Variants in ARMH3 observed in about 807,000 individuals in gnomAD.
ARMH3 encodes the protein armadillo like helical domain containing 3, also known as armadillo-like helical domain-containing protein 3.
Under a neutral mutation model 99.1 loss-of-function variants are expected in ARMH3, and 60 were observed. That is an observed-to-expected ratio of 0.61 (90% CI 0.49 to 0.75). ARMH3 has a LOEUF of 0.75. Among genes scored for constraint, ARMH3 ranks in the 30% least tolerant of loss-of-function variants. The pLI, the probability that ARMH3 is intolerant of heterozygous loss-of-function variation, is 0.00. For synonymous variants in ARMH3, 285 were observed against 292.8 expected, an observed-to-expected ratio of 0.97 and a Z score of 0.27; for missense variants, 679 against 843.1, an observed-to-expected ratio of 0.81 and a Z score of 2.41.
intron 23 of ARMH3, among the ~76,000 whole-genome samples, chr10:101,933,134 G>A (rs141214718): frequency 1.8e-4 from 27 of 152,114 alleles, no homozygotes; most frequent in African/African-American, 3.9e-4. Context: ...TGCAGTGAGC[G>A]GAGATTGCAC....
chr10:101,862,717 A>C (rs1564697997), intron 24 of ARMH3, among the ~76,000 whole-genome samples: 1 of 152,132 alleles, frequency 6.6e-6, no homozygotes, highest in African/African-American at 2.4e-5. Flanking sequence ...TAAAAAAAAA[A>C]CCCTCAGTAA....
At chr10:102,014,199 T>G (rs1478254020) in intron 8 of ARMH3, among the ~76,000 whole-genome samples, 175 bp from the exon 9 acceptor site, 4 of 152,216 alleles carry the variant, frequency 2.6e-5, no homozygotes, top group Admixed American at 2.6e-4. Context: ...CAGTTAATTT[T>G]TCAGTGTGTC....
rs1480287239 is a variant in ARMH3 at position 101,939,866 on chromosome 10, A to G, written c.1778T>C (p.Ile593Thr). Residue 593 changes from isoleucine to threonine, a missense_variant, in exon 23 of 26, where the codon ATC becomes ACC. Transcript: ENST00000370033. ...ASKVTHALVN[I>T]RAIINHFNPK... ...AGAGATACTTCTCATTCCTTACCTG[A>G]TATTAACCAATGCATGGGTCACCTT... 7 of 1,613,360 alleles carry G rather than the reference A, an allele frequency of 4.3e-6. No homozygotes were observed. Among genetic ancestry groups the G allele is most frequent in the East Asian group, 2.2e-5 (1 of 44,886 alleles).
At chr10:102,029,402 A>C (rs565516528) in intron 5 of ARMH3, 3 of 1,468,406 alleles carry the variant, frequency 2.0e-6, no homozygotes, top group Non-Finnish European at 2.7e-6. Context: ...TAATAAAATA[A>C]ACTATTCTGT....
chr10:101,852,085 T>C (rs2066616858), intron 24 of ARMH3, among the ~76,000 whole-genome samples: 1 of 152,230 alleles, frequency 6.6e-6, no homozygotes, highest in South Asian at 2.1e-4. Context: ...TAATACATGT[T>C]TTCCTATGCC....
At chr10:101,964,064 G>A (rs1307087757) in intron 20 of ARMH3, among the ~76,000 whole-genome samples, 2 of 152,004 alleles carry the variant, frequency 1.3e-5, no homozygotes, top group Non-Finnish European at 2.9e-5. Context: ...TTTTAATAGA[G>A]ATGGGGTTTC....
At chr10:101,919,572 C>T (rs1843223381) in intron 23 of ARMH3, among the ~76,000 whole-genome samples, 1 of 152,124 alleles carries the variant, frequency 6.6e-6, no homozygotes, top group African/African-American at 2.4e-5. Flanking sequence ...TAGGCTGAAG[C>T]ACATGGCAAA....
At chr10:101,998,715 C>T (rs2066276025) in intron 15 of ARMH3, among the ~76,000 whole-genome samples, 1 of 152,168 alleles carries the variant, frequency 6.6e-6, no homozygotes, top group Non-Finnish European at 1.5e-5. Flanking sequence ...TCCTCCTATG[C>T]AGTTCTTGCC....
chr10:101,985,078 T>C (rs11191169), intron 19 of ARMH3, among the ~76,000 whole-genome samples: 67,652 of 135,422 alleles, frequency 0.5, 16,604 homozygotes, highest in East Asian at 0.73. Context: ...AAAATATATA[T>C]ACACACACAC....
intron 23 of ARMH3, among the ~76,000 whole-genome samples, chr10:101,900,584 C>T (rs551069570): frequency 6.6e-6 from 1 of 152,256 alleles, no homozygotes; most frequent in East Asian, 1.9e-4. Flanking sequence ...ACCTCATTCC[C>T]ATTAGCCCAA....
chr10:101,928,977 G>A (rs1026800266), intron 23 of ARMH3, among the ~76,000 whole-genome samples: 4 of 151,868 alleles, frequency 2.6e-5, no homozygotes, highest in African/African-American at 9.7e-5. Flanking sequence ...GTGATCCACC[G>A]GCCTCAGCCT....
intron 5 of ARMH3, among the ~76,000 whole-genome samples, chr10:102,028,127 T>C (rs1241787481): frequency 1.3e-5 from 2 of 151,874 alleles, no homozygotes; most frequent in Non-Finnish European, 2.9e-5. Context: ...CCTCATACAT[T>C]GCTAGTGAAA....
intron 20 of ARMH3, among the ~76,000 whole-genome samples, chr10:101,962,612 T>C (rs889273236): frequency 1.4e-4 from 22 of 152,340 alleles, no homozygotes; most frequent in African/African-American, 5.3e-4. Context: ...TCCTCTTAAC[T>C]ATCTGATGAA....
intron 23 of ARMH3, among the ~76,000 whole-genome samples, chr10:101,891,653 C>T (rs985247231): frequency 2.0e-5 from 3 of 152,116 alleles, no homozygotes; most frequent in African/African-American, 7.2e-5. Context: ...AATTAAAATA[C>T]GGAATTTAGT....
intron 23 of ARMH3, among the ~76,000 whole-genome samples, chr10:101,897,650 T>C (rs533148718): frequency 9.2e-5 from 14 of 152,164 alleles, no homozygotes; most frequent in East Asian, 3.9e-4. Flanking sequence ...TGTTTTATTC[T>C]GATACGGGGC....
intron 23 of ARMH3, chr10:101,889,793 C>A: frequency 3.3e-6 from 1 of 306,632 alleles, no homozygotes. Context: ...AAAGGGAACC[C>A]AGAGGGCTGT....
At chr10:101,946,972 G>A (rs1442151088) in intron 22 of ARMH3, among the ~76,000 whole-genome samples, 2 of 151,428 alleles carry the variant, frequency 1.3e-5, no homozygotes, top group Admixed American at 6.6e-5. Flanking sequence ...GGTGGATCAC[G>A]AGGTCAGGAG....
At chr10:101,991,360 T>C (rs1846783399) in intron 18 of ARMH3, among the ~76,000 whole-genome samples, 1 of 152,138 alleles carries the variant, frequency 6.6e-6, no homozygotes, top group Non-Finnish European at 1.5e-5. Context: ...AGCACATCAA[T>C]TCAAACCAAG....
At chr10:101,868,696 T>C (rs1279996760) in intron 24 of ARMH3, among the ~76,000 whole-genome samples, 1 of 152,192 alleles carries the variant, frequency 6.6e-6, no homozygotes, top group Non-Finnish European at 1.5e-5. Flanking sequence ...TTAATAACAT[T>C]TTCTTTCCTC....
Sources: allele counts gnomAD v4.1 joint callset (sites outside exome capture counted in the v4.1 genomes callset), GRCh38; gene constraint gnomAD v4.1.1; transcripts MANE v1.5; gene names NCBI Gene and HGNC (gene_info 2026-07-23, HGNC 2026-07-21).